The following LRCH1 variants were observed in gnomAD, a reference collection of about 807,000 sequenced individuals.
The protein encoded by LRCH1 is leucine rich repeats and calponin homology domain containing 1.
Under a neutral mutation model 94.9 loss-of-function variants are expected in LRCH1, and 23 were observed. The observed-to-expected ratio is 0.24, with a 90% confidence interval of 0.17 to 0.34. The LOEUF is 0.34. Among genes scored for constraint, LRCH1 ranks in the 10% least tolerant of loss-of-function variants. The pLI is 1.00. For missense variants in LRCH1, 790 were observed against 945.9 expected (o/e 0.84, Z 2.16); for synonymous variants, 364 against 354.9 (o/e 1.03, Z -0.29).
At chr13:46,734,898 A>T (rs1337243545) in intron 19 of LRCH1, among the ~76,000 whole-genome samples, 3 of 152,192 alleles carry the variant, frequency 2.0e-5, no homozygotes. Flanking sequence ...TTTCAGTATA[A>T]TTCTACTCAG....
At chr13:46,642,058 C>G (rs2051164577) in intron 1 of LRCH1, among the ~76,000 whole-genome samples, 1 of 152,332 alleles carries the variant, frequency 6.6e-6, no homozygotes. Flanking sequence ...AGAGCCAGAC[C>G]TAGGCTGGGA....
rs934176053 is a variant in LRCH1 at position 46,582,204 on chromosome 13, C to T, written c.307+28501C>T. ...ATGAAGGGTATAGCTGAAATCTGCT[C>T]ATTTCATGATCTTGACAATTTAAAA... On this transcript the variant is annotated intron_variant, in intron 1 of 19. Transcript: ENST00000389797. 4.0e-5 allele frequency among the ~76,000 whole-genome samples: 6 copies of T among 150,230 alleles called. 1 individual carries two copies. Among genetic ancestry groups the T allele is most frequent in the South Asian group, 4.2e-4 (2 of 4,796 alleles).
intron 13 of LRCH1, among the ~76,000 whole-genome samples, chr13:46,709,244 A>G (rs1871932467): frequency 6.6e-6 from 1 of 152,214 alleles, no homozygotes; most frequent in East Asian, 1.9e-4. Context: ...GAAAAGCCTA[A>G]TATCCTCCTA....
intron 18 of LRCH1, among the ~76,000 whole-genome samples, chr13:46,730,973 A>T (rs1235565929): frequency 2.0e-5 from 3 of 152,190 alleles, no homozygotes. Context: ...TTAAATAAAA[A>T]TTTTAAAATT....
intron 1 of LRCH1, among the ~76,000 whole-genome samples, chr13:46,622,324 G>A (rs940513224): frequency 2.0e-5 from 3 of 151,968 alleles, no homozygotes; most frequent in African/African-American, 7.3e-5. Flanking sequence ...AAGGAAATAA[G>A]ACACAATCTA....
At chr13:46,664,268 T>G (rs146928572) in intron 2 of LRCH1, among the ~76,000 whole-genome samples, 248 of 152,314 alleles carry the variant, frequency 1.6e-3, no homozygotes, top group African/African-American at 5.7e-3. Flanking sequence ...CACCACATAA[T>G]GACATTTTGG....
At chr13:46,589,152 T>A (rs2050469980) in intron 1 of LRCH1, among the ~76,000 whole-genome samples, 1 of 152,048 alleles carries the variant, frequency 6.6e-6, no homozygotes, top group Non-Finnish European at 1.5e-5. Flanking sequence ...TCCTCCCACC[T>A]CAGCCTCCCA....
Position 46,593,299 on chromosome 13 carries a change from T to G in LRCH1, c.307+39596T>G, listed in dbSNP as rs76796893. Among the ~76,000 whole-genome samples, 158 of 148,432 alleles carry G rather than the reference T, an allele frequency of 1.1e-3. 3 individuals carry two copies. Among genetic ancestry groups the G allele is most frequent in the Admixed American group, 7.9e-3 (117 of 14,844 alleles). On this transcript the variant is annotated intron_variant, in intron 1 of 19. Coordinates refer to ENST00000389797, the MANE Select transcript of LRCH1 (RefSeq NM_001164211.2). ...CTTTCTTTCCTTTTTTTTTTTTTTT[T>G]TTGTCCATTTGACATCTGAATCCTG...
chr13:46,553,383 G>T lies in LRCH1; in HGVS notation c.-14G>T, dbSNP rs746564803. The T allele has an allele frequency of 1.1e-5, 17 of 1,520,686 alleles. No homozygotes were observed. The South Asian group carries it at 2.0e-4, about 18-fold the overall frequency. The allele number at this position is 1,520,686 out of a possible 1,614,324, so 94.2% of individuals were successfully genotyped here. A position where few individuals can be genotyped will look rare whatever the true frequency, so the allele number is the denominator to read the frequency against. ...GCAGGAGCGGCGGGGCGGGGTGGGGGGGCCCGGGAGAAGATGGCGACGCCG... is the reference window on the plus strand; with the variant it reads ...GCAGGAGCGGCGGGGCGGGGTGGGGTGGCCCGGGAGAAGATGGCGACGCCG... On this transcript the variant is annotated 5_prime_UTR_variant, in exon 1 of 20. Coordinates refer to ENST00000389797, the MANE Select transcript of LRCH1 (RefSeq NM_001164211.2).
intron 19 of LRCH1, among the ~76,000 whole-genome samples, chr13:46,737,176 C>T (rs1041803299): frequency 6.6e-6 from 1 of 152,158 alleles, no homozygotes; most frequent in Non-Finnish European, 1.5e-5. Context: ...GGAAACATGT[C>T]TGTGCAGGTT....
At chr13:46,747,394 C>T (rs148818034), downstream of LRCH1, among the ~76,000 whole-genome samples, 147 of 152,326 alleles carry the variant, frequency 9.7e-4, no homozygotes, top group Admixed American at 2.7e-3. Flanking sequence ...GCTTAGAACC[C>T]TGCAGGCCAC....
intron 1 of LRCH1, among the ~76,000 whole-genome samples, chr13:46,644,234 C>G (rs1037768565): frequency 1.3e-5 from 2 of 152,206 alleles, no homozygotes; most frequent in Admixed American, 6.5e-5. Flanking sequence ...GTCAGGCATG[C>G]TTGAATTGGT....
intron 1 of LRCH1, among the ~76,000 whole-genome samples, chr13:46,555,347 A>C (rs1187068008): frequency 6.6e-6 from 1 of 152,212 alleles, no homozygotes; most frequent in Non-Finnish European, 1.5e-5. Flanking sequence ...TGGCATGACT[A>C]ATAATAATAG....
At chr13:46,570,512 T>A (rs1436252592) in intron 1 of LRCH1, among the ~76,000 whole-genome samples, 3 of 152,232 alleles carry the variant, frequency 2.0e-5, no homozygotes, top group Non-Finnish European at 4.4e-5. Context: ...CAGGTCTTTC[T>A]GCCCCTAGAG....
chr13:46,567,298 C>T (rs543346809), intron 1 of LRCH1, among the ~76,000 whole-genome samples: 11 of 152,114 alleles, frequency 7.2e-5, no homozygotes, highest in Non-Finnish European at 1.0e-4. Flanking sequence ...TCTTTCTATA[C>T]ATTAATTACC....
Position 46,687,993 on chromosome 13 carries a change from T to C in LRCH1, c.950+14T>C. 1.3e-6 allele frequency: 2 copies of C among 1,591,354 alleles called. No homozygotes were observed. The highest frequency in any genetic ancestry group is 1.7e-5 in the Admixed American group (1 of 57,274). Reference sequence around the variant, plus strand: ...CGTGGAAGATGGGTGAGTCATGCCCTCATTCAAAGCCCCAGTTTAAAATTT... The same window carrying C: ...CGTGGAAGATGGGTGAGTCATGCCCCCATTCAAAGCCCCAGTTTAAAATTT... On this transcript the variant is annotated intron_variant, in intron 6 of 19. Coordinates refer to ENST00000389797, the MANE Select transcript of LRCH1 (RefSeq NM_001164211.2).
chr13:46,606,583 G>GT (rs1403871008), intron 1 of LRCH1, among the ~76,000 whole-genome samples: 2 of 152,138 alleles, frequency 1.3e-5, no homozygotes, highest in South Asian at 2.1e-4. Context: ...GTTTTGTTTT[G>GT]TTTTTTGGGA....
Position 46,743,513 on chromosome 13 carries a change from T to C in LRCH1, c.*1665T>C. 2.0e-6 allele frequency: 2 copies of C among 985,840 alleles called. No homozygotes were observed. The highest frequency in any genetic ancestry group is 2.4e-6 in the Non-Finnish European group (2 of 829,906). The allele number at this position is 985,840 out of a possible 1,614,324, so 61.1% of individuals were successfully genotyped here. ...TGGTGCTATCTTGTACTCTTCAATC[T>C]GTAACACAATAAAATCCCTTTGTAC... On this transcript the variant is annotated 3_prime_UTR_variant, in exon 20 of 20. Transcript: ENST00000389797.
chr13:46,579,141 C>G (rs937567423), intron 1 of LRCH1, among the ~76,000 whole-genome samples: 5 of 152,130 alleles, frequency 3.3e-5, no homozygotes, highest in Non-Finnish European at 7.4e-5. Context: ...CAAAGGAATG[C>G]TTCTTTTGGA....
Sources: allele counts gnomAD v4.1 joint callset (sites outside exome capture counted in the v4.1 genomes callset), GRCh38; gene constraint gnomAD v4.1.1; transcripts MANE v1.5; gene names NCBI Gene and HGNC (gene_info 2026-07-23, HGNC 2026-07-21).